FBXO3: variants seen among roughly 807,000 people sequenced by gnomAD.
The protein encoded by FBXO3 is F-box only protein 3.
A neutral mutation model predicts 64.8 loss-of-function variants in FBXO3; 17 were observed. The ratio of observed to expected loss-of-function variants is 0.26; its 90% CI spans 0.18 to 0.39. FBXO3 has a LOEUF of 0.39. FBXO3 is among the 10% of genes least tolerant of loss of function. The pLI, the probability that FBXO3 is intolerant of heterozygous loss-of-function variation, is 1.00. For synonymous variants in FBXO3, 182 were observed against 201.6 expected, an observed-to-expected ratio of 0.90 and a Z score of 0.82; for missense variants, 420 against 589.9, an observed-to-expected ratio of 0.71 and a Z score of 2.98.
At chr11:33,755,479 T>C (rs377440395) in intron 5 of FBXO3, among the ~76,000 whole-genome samples, 3 of 140,996 alleles carry the variant, frequency 2.1e-5, no homozygotes, top group South Asian at 2.8e-4. Flanking sequence ...CTGAAACACA[T>C]ATTACAATTA....
chr11:33,771,702 ATTGCC>A (rs1179658355), intron 1 of FBXO3: 2 of 152,180 alleles, frequency 1.3e-5, no homozygotes, highest in African/African-American at 2.4e-5. Context: ...AGTAAACAAA[ATTGCC>A]TTTGTTTGAT....
Position 33,741,736 on chromosome 11 carries a change from A to G in FBXO3, c.*172T>C. ...TTCCTCTACCTCAAAAACACAAAGC[A>G]AACCCAAACAATCCAATTCCTAATG... On this transcript the variant is annotated 3_prime_UTR_variant, in exon 11 of 11. Transcript: ENST00000265651. The G allele has an allele frequency of 9.2e-6, 5 of 543,544 alleles. No homozygotes were observed. Among genetic ancestry groups the G allele is most frequent in the Non-Finnish European group, 1.4e-5 (5 of 354,602 alleles). 33.7% of individuals were successfully genotyped at this position (543,544 alleles called of 1,614,324 possible).
intron 9 of FBXO3, among the ~76,000 whole-genome samples, chr11:33,747,715 T>A (rs918259629): frequency 2.0e-5 from 3 of 152,084 alleles, no homozygotes; most frequent in Non-Finnish European, 4.4e-5. Context: ...TTTTGCCACA[T>A]TGGCCAGGCT....
chr11:33,774,372 G>T, intron 1 of FBXO3, 22 bp downstream of exon 1: 1 of 1,568,500 alleles, frequency 6.4e-7, no homozygotes, highest in Non-Finnish European at 8.7e-7. Context: ...CCCCACCCCT[G>T]CCATGCGTGT....
At chr11:33,768,678 A>G (rs1855433658) in intron 3 of FBXO3, 173 bp downstream of exon 3, 1 of 648,824 alleles carries the variant, frequency 1.5e-6, no homozygotes, top group Non-Finnish European at 2.7e-6. Flanking sequence ...GAGAAAAAAC[A>G]GGGTAAGCAC....
chr11:33,741,043 G>A lies in FBXO3; in HGVS notation c.*865C>T, dbSNP rs1854675034. ...AATTACAAAAAAAATCCAAGTTTCA[G>A]GAAAACATACTTAATCCTAACATAA... On this transcript the variant is annotated 3_prime_UTR_variant, in exon 11 of 11. Transcript: ENST00000265651. 6.6e-6 allele frequency: 1 copy of A among 152,508 alleles called. No homozygotes were observed. The highest frequency in any genetic ancestry group is 1.5e-5 in the Non-Finnish European group (1 of 68,022). The allele number at this position is 152,508 out of a possible 1,614,324, so 9.4% of individuals were successfully genotyped here. A position where few individuals can be genotyped will look rare whatever the true frequency, so the allele number is the denominator to read the frequency against.
At chr11:33,765,940 G>A (rs1855359261) in intron 3 of FBXO3, among the ~76,000 whole-genome samples, 1 of 152,122 alleles carries the variant, frequency 6.6e-6, no homozygotes, top group African/African-American at 2.4e-5. Context: ...CTGCAGAATC[G>A]TGAACCAATT....
At chr11:33,763,404 T>C (rs1217426831) in intron 3 of FBXO3, 1 of 235,972 alleles carries the variant, frequency 4.2e-6, no homozygotes, top group Non-Finnish European at 8.9e-6. Context: ...AGATAATATA[T>C]TACAATCAAA....
chr11:33,772,594 T>G (rs1855535873), intron 1 of FBXO3: 1 of 152,308 alleles, frequency 6.6e-6, no homozygotes, highest in African/African-American at 2.4e-5. Context: ...CAGAACTGCA[T>G]ATGCCCTGCT....
In FBXO3 at chr11:33,743,103, T is replaced by C. The variant is rs1005473453; in HGVS notation, c.1240-1019A>G. The C allele has an allele frequency of 6.6e-6, 1 of 152,202 alleles. No homozygotes were observed. The highest frequency in any genetic ancestry group is 1.5e-5 in the Non-Finnish European group (1 of 68,064). 9.4% of individuals were successfully genotyped at this position (152,202 alleles called of 1,614,324 possible). Reference sequence around the variant, plus strand: ...CTTCATGGTAGCTGGACTTCTTACATGGTGGCTCAGGGTGTCAAAGACACA... The same window carrying C: ...CTTCATGGTAGCTGGACTTCTTACACGGTGGCTCAGGGTGTCAAAGACACA... On this transcript the variant is annotated intron_variant, in intron 10 of 10. Coordinates refer to ENST00000265651, the MANE Select transcript of FBXO3 (RefSeq NM_012175.4). This position sits in a 1 kb window ranked among gnomAD's most constrained non-coding sequence, Gnocchi z 4.6.
chr11:33,744,351 G>C (rs704702), intron 10 of FBXO3: 52,582 of 152,006 alleles, frequency 0.35, 9,324 homozygotes, highest in Middle Eastern at 0.54. Flanking sequence ...GGAACACACA[G>C]AGAGGAGTGG....
chr11:33,774,081 G>C, intron 1 of FBXO3: 2 of 299,354 alleles, frequency 6.7e-6, no homozygotes, highest in Non-Finnish European at 1.3e-5. Flanking sequence ...GCGGGGGTCC[G>C]CGGAGCGCGG....
chr11:33,760,133 A>T (rs1031363535), intron 3 of FBXO3, among the ~76,000 whole-genome samples: 1 of 152,226 alleles, frequency 6.6e-6, no homozygotes, highest in African/African-American at 2.4e-5. Context: ...AACAGCAGAG[A>T]ATTTTCCAAA....
intron 3 of FBXO3, among the ~76,000 whole-genome samples, chr11:33,761,180 TAAG>T (rs1451762273): frequency 5.9e-5 from 9 of 151,996 alleles, no homozygotes; most frequent in Non-Finnish European, 1.3e-4. Flanking sequence ...AAAACATAAT[TAAG>T]AAGATTACAG....
intron 3 of FBXO3, 96 bp downstream of exon 3, chr11:33,768,755 C>T: frequency 7.0e-7 from 1 of 1,435,054 alleles, no homozygotes; most frequent in Non-Finnish European, 9.8e-7. Context: ...TGGGTTAACA[C>T]AGTTGCGTAG....
intron 1 of FBXO3, 140 bp from the exon 2 acceptor site, chr11:33,770,970 A>G (rs539164869): frequency 3.3e-6 from 2 of 613,858 alleles, no homozygotes; most frequent in Admixed American, 6.1e-5. Context: ...TTACAAAACT[A>G]TTTTCTAAAA....
intron 3 of FBXO3, chr11:33,763,419 G>A (rs779170921): frequency 3.2e-4 from 63 of 197,950 alleles, no homozygotes; most frequent in Non-Finnish European, 3.3e-4. Flanking sequence ...ATCAAAGTAG[G>A]ATTATTCCAG....
rs1003868145 is a variant in FBXO3 at position 33,766,684 on chromosome 11, CCTAT to C, written c.358+2163_358+2166del. Among the ~76,000 whole-genome samples, 13 of 152,308 alleles carry C rather than the reference CCTAT, an allele frequency of 8.5e-5. No homozygotes were observed. In the South Asian group the frequency reaches 1.0e-3, roughly 12 times the overall value. ...CATAAAAATTTCTCCAAGTCCAATG[CCTAT>C]CTGCTTTCTGATTTTCCTTTTTATC... On this transcript the variant is annotated intron_variant, in intron 3 of 10. Coordinates refer to ENST00000265651, the MANE Select transcript of FBXO3 (RefSeq NM_012175.4).
At chr11:33,757,656 T>A (rs1288304836) in intron 4 of FBXO3, among the ~76,000 whole-genome samples, 11 of 23,978 alleles carry the variant, frequency 4.6e-4, no homozygotes, top group Non-Finnish European at 5.6e-4. Flanking sequence ...CACCATCTCT[T>A]AAAAAAAAAA....
Sources: allele counts gnomAD v4.1 joint callset (sites outside exome capture counted in the v4.1 genomes callset), GRCh38; gene constraint gnomAD v4.1.1; non-coding constraint Gnocchi (gnomAD v3.1); transcripts MANE v1.5; gene names NCBI Gene and HGNC (gene_info 2026-07-23, HGNC 2026-07-21).